Variants in MAK16 observed in about 807,000 individuals in gnomAD.
MAK16 encodes protein MAK16 homolog.
In MAK16, 12 loss-of-function variants were observed where a neutral mutation model predicts 49.9. The ratio of observed to expected loss-of-function variants is 0.24; its 90% CI spans 0.15 to 0.39. The LOEUF (loss-of-function observed/expected upper bound fraction) is 0.39, where lower values mean the gene tolerates loss of function less well. Among genes scored for constraint, MAK16 ranks in the 10% least tolerant of loss-of-function variants. The pLI is 1.00. For synonymous variants in MAK16, 115 were observed against 126.4 expected, an observed-to-expected ratio of 0.91 and a Z score of 0.60; for missense variants, 292 against 363.7, an observed-to-expected ratio of 0.80 and a Z score of 1.60.
In MAK16 at chr8:33,498,938, G is replaced by A. The variant is rs1232420351; in HGVS notation, c.*309G>A. ...ATGTAAATATTTCTAAATTTTAAAT[G>A]CTACATTACTTGGTGTCCTTTTTTC... On this transcript the variant is annotated 3_prime_UTR_variant, in exon 10 of 10. Coordinates refer to ENST00000360128, the MANE Select transcript of MAK16 (RefSeq NM_032509.4). The A allele has an allele frequency of 5.2e-6, 3 of 579,996 alleles. No homozygotes were observed. Among genetic ancestry groups the A allele is most frequent in the Non-Finnish European group, 9.1e-6 (3 of 329,696 alleles). The allele number at this position is 579,996 out of a possible 1,614,324, so 35.9% of individuals were successfully genotyped here.
intron 1 of MAK16, among the ~76,000 whole-genome samples, chr8:33,487,359 G>A (rs1223861793): frequency 6.6e-6 from 1 of 151,678 alleles, no homozygotes; most frequent in African/African-American, 2.4e-5. Context: ...GATAGCAGTA[G>A]ATAGTTTTCT....
intron 8 of MAK16, 95 bp from the exon 9 acceptor site, chr8:33,497,137 C>T (rs941369886): frequency 2.2e-5 from 20 of 914,398 alleles, no homozygotes; most frequent in Admixed American, 8.6e-5. Flanking sequence ...AGTGAAAAGA[C>T]TGTGGTTCTC....
In MAK16 at chr8:33,490,348, T is replaced by C. The variant is rs757796962; in HGVS notation, c.447+9T>C. 5.0e-6 allele frequency: 8 copies of C among 1,610,486 alleles called. No homozygotes were observed. In the South Asian group the frequency reaches 6.6e-5, roughly 13 times the overall value. Reference sequence around the variant, plus strand: ...GGGAGAAAAGAAGAGAGGTAACTTATTGTTGAGATATTCATACCTTCTACA... The same window carrying C: ...GGGAGAAAAGAAGAGAGGTAACTTACTGTTGAGATATTCATACCTTCTACA... On this transcript the variant is annotated intron_variant, in intron 6 of 9. Transcript: ENST00000360128.
chr8:33,498,105 A>G (rs1808909837), intron 9 of MAK16, among the ~76,000 whole-genome samples: 2 of 149,054 alleles, frequency 1.3e-5, no homozygotes. Context: ...CCAAAAAAAA[A>G]AAAAAAAAAA....
intron 7 of MAK16, among the ~76,000 whole-genome samples, chr8:33,496,145 C>T (rs1166969277): frequency 2.0e-5 from 3 of 152,134 alleles, no homozygotes; most frequent in Admixed American, 6.6e-5. Context: ...CCATTATTCT[C>T]AGCTCCATTC....
In MAK16 at chr8:33,500,381, C is replaced by T; in HGVS notation, c.*1752C>T. On this transcript the variant is annotated 3_prime_UTR_variant, in exon 10 of 10. Coordinates refer to ENST00000360128, the MANE Select transcript of MAK16 (RefSeq NM_032509.4). ...AGGAGAATCAGGCAGTCTGTGGCCT[C>T]CTGTAGCAGGGCGCTCTTAACAGAC... is the stretch of plus-strand genomic sequence containing the variant. 6.2e-7 allele frequency: 1 copy of T among 1,614,170 alleles called. No homozygotes were observed. The highest frequency in any genetic ancestry group is 8.5e-7 in the Non-Finnish European group (1 of 1,180,026).
chr8:33,489,571 G>A lies in MAK16; in HGVS notation c.392+432G>A, dbSNP rs1462817581. Among the ~76,000 whole-genome samples, 1 of 151,956 alleles carries A rather than the reference G, an allele frequency of 6.6e-6. No individual in the cohort carries two copies. The highest frequency in any genetic ancestry group is 2.4e-5 in the African/African-American group (1 of 41,384). ...TTTTTTGTATTTTTAGTAGAGATGG[G>A]GTTTCACCATGTTGGCCAGGCTGGT... On this transcript the variant is annotated intron_variant, in intron 5 of 9. Transcript: ENST00000360128. The surrounding 1 kb of genome is among the most constrained non-coding windows in gnomAD (Gnocchi z 4.2).
Position 33,497,382 on chromosome 8 carries a change from T to A in MAK16, c.705+85T>A, listed in dbSNP as rs903570517. ...AAAACAGGGAGGTGGCCAGGCACCG[T>A]GGTTCACTCCTATAATTGCAGCACT... On this transcript the variant is annotated intron_variant, in intron 9 of 9. Transcript: ENST00000360128. The A allele has an allele frequency of 7.7e-6, 8 of 1,035,430 alleles. 1 individual carries two copies. The highest frequency in any genetic ancestry group is 1.2e-5 in the Non-Finnish European group (8 of 689,868). The allele number at this position is 1,035,430 out of a possible 1,614,324, so 64.1% of individuals were successfully genotyped here.
intron 6 of MAK16, among the ~76,000 whole-genome samples, chr8:33,491,226 A>C (rs1050856856): frequency 6.6e-6 from 1 of 152,226 alleles, no homozygotes; most frequent in Non-Finnish European, 1.5e-5. Flanking sequence ...GGCTGTCGTG[A>C]ACAGAGCTGT....
chr8:33,493,746 A>G (rs1306675323), intron 6 of MAK16, among the ~76,000 whole-genome samples: 2 of 152,158 alleles, frequency 1.3e-5, no homozygotes, highest in Non-Finnish European at 2.9e-5. Context: ...ATTTTCACCA[A>G]TTGAGTTTGT....
chr8:33,498,318 A>G (rs1342167143), intron 9 of MAK16, 114 bp from the exon 10 acceptor site: 2 of 837,572 alleles, frequency 2.4e-6, no homozygotes, highest in Non-Finnish European at 3.6e-6. Flanking sequence ...ATTTCTGAAC[A>G]CAGACATAGA....
Position 33,499,491 on chromosome 8 carries a change from T to C in MAK16, c.*862T>C, listed in dbSNP as rs1808984307. 1 of 476,466 alleles carries C rather than the reference T, an allele frequency of 2.1e-6. No homozygotes were observed. Among genetic ancestry groups the C allele is most frequent in the Non-Finnish European group, 3.8e-6 (1 of 266,396 alleles). 29.5% of individuals were successfully genotyped at this position (476,466 alleles called of 1,614,324 possible). ...ATTGAAGGTGCTACTTTAAAAACTG[T>C]GTTAATGTACTTGCAAATCTCCTGC... On this transcript the variant is annotated 3_prime_UTR_variant, in exon 10 of 10. Coordinates refer to ENST00000360128, the MANE Select transcript of MAK16 (RefSeq NM_032509.4).
chr8:33,499,466 A>G lies in MAK16; in HGVS notation c.*837A>G. The G allele has an allele frequency of 9.4e-6, 5 of 534,154 alleles. No homozygotes were observed. The highest frequency in any genetic ancestry group is 1.3e-5 in the Non-Finnish European group (4 of 301,238). 33.1% of individuals were successfully genotyped at this position (534,154 alleles called of 1,614,324 possible). Reference sequence around the variant, plus strand: ...TTTTAAATTTATATAGCTCTCATGTATTGAAGGTGCTACTTTAAAAACTGT... The same window carrying G: ...TTTTAAATTTATATAGCTCTCATGTGTTGAAGGTGCTACTTTAAAAACTGT... On this transcript the variant is annotated 3_prime_UTR_variant, in exon 10 of 10. Transcript: ENST00000360128.
chr8:33,486,690 GAAGAA>G (rs1327967250), intron 1 of MAK16, among the ~76,000 whole-genome samples: 1 of 152,182 alleles, frequency 6.6e-6, no homozygotes, highest in Non-Finnish European at 1.5e-5. Context: ...ATTAAGTGAA[GAAGAA>G]AAGGAAGAAA....
At chr8:33,497,107 G>T in intron 8 of MAK16, 125 bp from the exon 9 acceptor site, 1 of 676,442 alleles carries the variant, frequency 1.5e-6, no homozygotes, top group South Asian at 2.4e-5. Flanking sequence ...AATTTAGAAA[G>T]AACTAAATTT....
At position 33,488,419 on chromosome 8, in the gene MAK16, C is replaced by G. The variant is rs755030527; in HGVS notation, c.57C>G (p.Phe19Leu). ...TAGGAAACAAGCAATTTTGTTCCTTCAAAATAAGGTGAGTCTCAATTTACA... is the reference window on the plus strand; with the variant it reads ...TAGGAAACAAGCAATTTTGTTCCTTGAAAATAAGGTGAGTCTCAATTTACA... ...DTLGNKQFCSFKIRTKTQSFC... is the reference protein window; with the variant it reads ...DTLGNKQFCSLKIRTKTQSFC... The change falls in exon 2 of 10, where the codon TTC (phenylalanine) becomes TTG (leucine). Residue 19 changes from phenylalanine to leucine, a missense_variant. Physicochemically the swap from Phe to Leu is conservative, Grantham distance 22 (BLOSUM62 0). Coordinates refer to ENST00000360128, the MANE Select transcript of MAK16 (RefSeq NM_032509.4). 6.2e-7 allele frequency: 1 copy of G among 1,614,070 alleles called. No homozygotes were observed. Among genetic ancestry groups the G allele is most frequent in the African/African-American group, 1.3e-5 (1 of 74,926 alleles).
chr8:33,488,323 A>C (rs543070590), intron 1 of MAK16, 55 bp from the exon 2 acceptor site: 1 of 1,553,750 alleles, frequency 6.4e-7, no homozygotes, highest in Non-Finnish European at 8.9e-7. Context: ...TCTTGAATTA[A>C]TATAGTATCT....
chr8:33,495,332 T>C (rs1808840363), intron 6 of MAK16, among the ~76,000 whole-genome samples: 1 of 152,180 alleles, frequency 6.6e-6, no homozygotes, highest in South Asian at 2.1e-4. Context: ...TACAAAACCA[T>C]AGGAATTTCA....
intron 1 of MAK16, among the ~76,000 whole-genome samples, chr8:33,487,016 A>G (rs1808698585): frequency 6.6e-6 from 1 of 152,154 alleles, no homozygotes; most frequent in Non-Finnish European, 1.5e-5. Context: ...ACACACCTAT[A>G]AAATTCTTAA....
Sources: allele counts gnomAD v4.1 joint callset (sites outside exome capture counted in the v4.1 genomes callset), GRCh38; gene constraint gnomAD v4.1.1; non-coding constraint Gnocchi (gnomAD v3.1); transcripts MANE v1.5; gene names NCBI Gene and HGNC (gene_info 2026-07-23, HGNC 2026-07-21).